The following GDA variants were observed in gnomAD, a reference collection of about 807,000 sequenced individuals.
GDA encodes the protein guanine deaminase, also known as cytoplasmic PSD-95 interactor.
GDA carries 18 observed loss-of-function variants against 59.6 expected under a neutral mutation model. The observed-to-expected ratio is 0.30, with a 90% CI of 0.21 to 0.45. The LOEUF (loss-of-function observed/expected upper bound fraction) is 0.45. GDA is among the 20% of genes least tolerant of loss of function. GDA has a pLI of 1.00. For missense variants in GDA, 427 were observed against 552.3 expected, an observed-to-expected ratio of 0.77 and a Z score of 2.27; for synonymous variants, 201 against 201.1, an observed-to-expected ratio of 1.00 and a Z score of 0.00.
Position 72,183,766 on chromosome 9 carries a change from T to G in GDA, c.124-11734T>G, listed in dbSNP as rs138895118. ...CATGTAAAGTATGTAGGATGGTGTT[T>G]GGCACATAGGAAATATATTTTAATC... On this transcript the variant is annotated intron_variant, in intron 1 of 13. Transcript: ENST00000358399. Among the ~76,000 whole-genome samples, 395 of 152,308 alleles carry G rather than the reference T, an allele frequency of 2.6e-3. 4 individuals carry two copies. The highest frequency in any genetic ancestry group is 9.2e-3 in the African/African-American group (381 of 41,564).
Position 72,191,132 on chromosome 9 carries a change from A to T in GDA, c.124-4368A>T, listed in dbSNP as rs1314538084. On this transcript the variant is annotated intron_variant, in intron 1 of 13. Coordinates refer to ENST00000358399, the MANE Select transcript of GDA (RefSeq NM_004293.5). Reference sequence around the variant, plus strand: ...TTAATGATCTGTCAATTGATAAGCAATGAGGACTTCTATCATTTTATTGAC... The same window carrying T: ...TTAATGATCTGTCAATTGATAAGCATTGAGGACTTCTATCATTTTATTGAC... 3.3e-5 allele frequency among the ~76,000 whole-genome samples: 5 copies of T among 152,216 alleles called. No individual in the cohort carries two copies. The East Asian group carries it at 9.6e-4, about 29-fold the overall frequency.
chr9:72,165,511 C>T (rs12237065), intron 1 of GDA, among the ~76,000 whole-genome samples: 24,691 of 151,904 alleles, frequency 0.16, 2,572 homozygotes, highest in East Asian at 0.5. Flanking sequence ...CCAGGTAAGA[C>T]GATAGAAGCA....
chr9:72,244,936 C>A (rs528484004), intron 11 of GDA, among the ~76,000 whole-genome samples: 6 of 152,256 alleles, frequency 3.9e-5, no homozygotes, highest in Non-Finnish European at 7.3e-5. Context: ...TGTTTTCATT[C>A]TCAGATTTTG....
chr9:72,242,524 A>G (rs1257181486), intron 11 of GDA, among the ~76,000 whole-genome samples: 2 of 151,526 alleles, frequency 1.3e-5, no homozygotes, highest in Non-Finnish European at 3.0e-5. Flanking sequence ...GTGTAGATTT[A>G]TGATAGATAC....
chr9:72,124,851 ACCCG>A (rs1825790212), intron 1 of GDA, among the ~76,000 whole-genome samples: 1 of 151,744 alleles, frequency 6.6e-6, no homozygotes, highest in Admixed American at 6.6e-5. Flanking sequence ...CTTGTGATCC[ACCCG>A]CCTCGGCCTC....
chr9:72,126,221 G>A (rs1031617366), intron 1 of GDA, among the ~76,000 whole-genome samples: 1 of 152,106 alleles, frequency 6.6e-6, no homozygotes, highest in Admixed American at 6.6e-5. Context: ...TTAAATAAAG[G>A]CAGACCCCTT....
chr9:72,172,490 C>T (rs1036493564), intron 1 of GDA, among the ~76,000 whole-genome samples: 5 of 152,248 alleles, frequency 3.3e-5, no homozygotes, highest in South Asian at 4.1e-4. Flanking sequence ...CCTAGGTCTT[C>T]GTGGTTCTTG....
chr9:72,233,239 G>A (rs1838561956), intron 10 of GDA, among the ~76,000 whole-genome samples: 1 of 152,110 alleles, frequency 6.6e-6, no homozygotes, highest in African/African-American at 2.4e-5. Flanking sequence ...ATCTTGACTT[G>A]CACAAATATT....
chr9:72,208,947 A>G lies in GDA; in HGVS notation c.385-1740A>G, dbSNP rs192877859. Among the ~76,000 whole-genome samples, 571 of 152,122 alleles carry G rather than the reference A, an allele frequency of 3.8e-3. 4 individuals are homozygous for G. The highest frequency in any genetic ancestry group is 0.013 in the African/African-American group (536 of 41,488). On this transcript the variant is annotated intron_variant, in intron 3 of 13. Coordinates refer to ENST00000358399, the MANE Select transcript of GDA (RefSeq NM_004293.5). ...AAACCTATATAATAGAGCGTTTTCTATTTTCTAAGTACTTTAATTATTTAC... is the reference window on the plus strand; with the variant it reads ...AAACCTATATAATAGAGCGTTTTCTGTTTTCTAAGTACTTTAATTATTTAC...
At chr9:72,255,300 C>G (rs1009180775), downstream of GDA, among the ~76,000 whole-genome samples, 2 of 152,174 alleles carry the variant, frequency 1.3e-5, no homozygotes, top group Admixed American at 6.6e-5. Context: ...CCAGGTCATC[C>G]TCATAGCTTT....
At position 72,128,027 on chromosome 9, in the gene GDA, G is replaced by C. The variant is rs895865986; in HGVS notation, c.-100+13194G>C. Among the ~76,000 whole-genome samples, 21 of 152,122 alleles carry C rather than the reference G, an allele frequency of 1.4e-4. 1 individual carries two copies. Among genetic ancestry groups the C allele is most frequent in the Non-Finnish European group, 2.9e-5 (2 of 68,020 alleles). ...CCTTAATCACCTATTTTGCTTAGTG[G>C]TTTCATTTGAACCAGACTTCCAGGT... On this transcript the variant is annotated intron_variant, in intron 1 of 13. Transcript: ENST00000545168.
At chr9:72,223,894 G>C (rs187941344) in intron 7 of GDA, among the ~76,000 whole-genome samples, 3 of 152,304 alleles carry the variant, frequency 2.0e-5, no homozygotes, top group Non-Finnish European at 4.4e-5. Flanking sequence ...AGAAAGGTCA[G>C]ATCAGGGCAG....
intron 1 of GDA, among the ~76,000 whole-genome samples, chr9:72,157,065 G>A (rs1827990799): frequency 8.8e-6 from 1 of 113,910 alleles, no homozygotes; most frequent in East Asian, 2.6e-4. Flanking sequence ...TTGAGATGGA[G>A]TTTCACTCTT....
chr9:72,187,075 T>C (rs1831948360), intron 1 of GDA, among the ~76,000 whole-genome samples: 2 of 152,230 alleles, frequency 1.3e-5, no homozygotes. Flanking sequence ...GTACATTGGC[T>C]AGAATAAGAC....
intron 1 of GDA, among the ~76,000 whole-genome samples, chr9:72,156,133 T>C (rs1218943283): frequency 1.3e-5 from 2 of 152,172 alleles, no homozygotes; most frequent in African/African-American, 4.8e-5. Context: ...TCAAGAGTGA[T>C]CGCAAAATGT....
chr9:72,125,090 C>T (rs1318779533), intron 1 of GDA, among the ~76,000 whole-genome samples: 1 of 152,188 alleles, frequency 6.6e-6, no homozygotes, highest in Non-Finnish European at 1.5e-5. Context: ...TGGCATTGAT[C>T]TAGATAAAGA....
At chr9:72,225,933 G>T (rs1343557714) in intron 8 of GDA, 149 bp downstream of exon 8, 3 of 522,264 alleles carry the variant, frequency 5.7e-6, no homozygotes, top group Non-Finnish European at 1.0e-5. Flanking sequence ...TACACAGAAA[G>T]TTTATATATC....
chr9:72,242,417 T>C (rs1839717741), intron 11 of GDA, among the ~76,000 whole-genome samples: 1 of 152,214 alleles, frequency 6.6e-6, no homozygotes, highest in Non-Finnish European at 1.5e-5. Flanking sequence ...TTTAGAATTA[T>C]ACATGTAATC....
At chr9:72,152,358 C>T (rs1448374984) in intron 1 of GDA, among the ~76,000 whole-genome samples, 2 of 152,166 alleles carry the variant, frequency 1.3e-5, no homozygotes, top group African/African-American at 4.8e-5. Flanking sequence ...AAAGCTCATT[C>T]AAAAGCAGGT....
Sources: gnomAD v4.1 joint callset for allele counts (sites outside exome capture counted in the v4.1 genomes callset) on GRCh38, gnomAD v4.1.1 for gene constraint, MANE v1.5 for transcripts, NCBI Gene and HGNC (gene_info 2026-07-23, HGNC 2026-07-21) for gene names.